Variants in SGCZ observed in about 807,000 individuals in gnomAD.
SGCZ encodes sarcoglycan zeta, also known as zeta-sarcoglycan.
Under a neutral mutation model 41.3 loss-of-function variants are expected in SGCZ, and 40 were observed. The ratio of observed to expected loss-of-function variants is 0.97; its 90% CI spans 0.75 to 1.26. The LOEUF (loss-of-function observed/expected upper bound fraction) is 1.26, where lower values mean the gene tolerates loss of function less well. SGCZ is among the 50% of genes most tolerant of loss of function. The pLI, the probability that SGCZ is intolerant of heterozygous loss-of-function variation, is 0.00. For missense variants in SGCZ, 552 were observed against 369.8 expected (o/e 1.49, Z -4.04); for synonymous variants, 206 against 137.5 (o/e 1.50, Z -3.49).
intron 5 of SGCZ, among the ~76,000 whole-genome samples, chr8:14,155,084 C>T (rs1338642859): frequency 6.6e-6 from 1 of 152,150 alleles, no homozygotes; most frequent in Non-Finnish European, 1.5e-5. Context: ...ACTAGAAAAC[C>T]ATCTGTTCCA....
chr8:14,545,872 C>T (rs970903233), intron 2 of SGCZ, among the ~76,000 whole-genome samples: 1 of 152,088 alleles, frequency 6.6e-6, no homozygotes, highest in South Asian at 2.1e-4. Flanking sequence ...CTTTGTTTTG[C>T]ACTTGCTATG....
intron 1 of SGCZ, among the ~76,000 whole-genome samples, chr8:15,188,046 C>T (rs268348): frequency 0.9 from 137,008 of 151,940 alleles, 61,773 homozygotes; most frequent in East Asian, 0.92. Flanking sequence ...TTTTTATGGA[C>T]ACATATATTA....
At chr8:14,116,252 T>C (rs934252503) in intron 5 of SGCZ, among the ~76,000 whole-genome samples, 7 of 152,282 alleles carry the variant, frequency 4.6e-5, no homozygotes, top group Non-Finnish European at 8.8e-5. Flanking sequence ...AATAGCTTTA[T>C]GAGCCTGAGC....
intron 3 of SGCZ, among the ~76,000 whole-genome samples, chr8:14,238,146 T>A (rs979190078): frequency 1.3e-5 from 2 of 152,210 alleles, no homozygotes; most frequent in East Asian, 1.9e-4. Context: ...AAACTCCCAA[T>A]GTCCATTTAG....
chr8:14,881,134 A>G (rs891024480), intron 1 of SGCZ, among the ~76,000 whole-genome samples: 5 of 152,266 alleles, frequency 3.3e-5, no homozygotes, highest in African/African-American at 1.2e-4. Flanking sequence ...ATTTTACATA[A>G]GAAAACAAGT....
intron 1 of SGCZ, among the ~76,000 whole-genome samples, chr8:14,982,437 A>G (rs10109779): frequency 0.37 from 56,492 of 152,022 alleles, 11,465 homozygotes; most frequent in Non-Finnish European, 0.44. Flanking sequence ...ATATTTCTCA[A>G]AAGATTGTAA....
chr8:14,603,966 G>A (rs1175796315), intron 1 of SGCZ, among the ~76,000 whole-genome samples: 1 of 151,880 alleles, frequency 6.6e-6, no homozygotes, highest in Non-Finnish European at 1.5e-5. Context: ...ATCTCACACT[G>A]TTACTATGTG....
At chr8:14,456,810 C>A (rs562979962) in intron 2 of SGCZ, among the ~76,000 whole-genome samples, 203 of 152,166 alleles carry the variant, frequency 1.3e-3, no homozygotes, top group African/African-American at 4.4e-3. Flanking sequence ...GAGGTGGATC[C>A]CTCGTGGCAT....
chr8:14,289,723 C>T (rs1249523365), intron 3 of SGCZ, among the ~76,000 whole-genome samples: 1 of 151,804 alleles, frequency 6.6e-6, no homozygotes, highest in East Asian at 1.9e-4. Flanking sequence ...AAGACAACCC[C>T]TTCAATAAAT....
intron 5 of SGCZ, among the ~76,000 whole-genome samples, chr8:14,139,964 G>A (rs760921982): frequency 1.3e-5 from 2 of 152,056 alleles, no homozygotes; most frequent in Non-Finnish European, 2.9e-5. Context: ...AAATCCAGCA[G>A]CACCTCCAAA....
intron 5 of SGCZ, among the ~76,000 whole-genome samples, chr8:14,128,729 A>ACG (rs1458421079): frequency 1.3e-5 from 2 of 152,126 alleles, no homozygotes; most frequent in African/African-American, 4.8e-5. Context: ...ACACACACAC[A>ACG]CACACACCAT....
intron 3 of SGCZ, among the ~76,000 whole-genome samples, chr8:14,314,645 G>C (rs1318815330): frequency 6.6e-6 from 1 of 152,138 alleles, no homozygotes; most frequent in African/African-American, 2.4e-5. Flanking sequence ...CAGTAGGTAA[G>C]TGAATGGTTT....
chr8:14,591,652 A>G (rs1805244495), intron 1 of SGCZ, among the ~76,000 whole-genome samples: 1 of 152,132 alleles, frequency 6.6e-6, no homozygotes, highest in Admixed American at 6.6e-5. Flanking sequence ...AAATCACTTC[A>G]CTATGAATGA....
At chr8:14,643,074 A>G (rs1164550292) in intron 1 of SGCZ, among the ~76,000 whole-genome samples, 1 of 151,670 alleles carries the variant, frequency 6.6e-6, no homozygotes, top group Non-Finnish European at 1.5e-5. Context: ...ATTGCTTTCA[A>G]TGAAATATTT....
At chr8:14,130,204 C>A (rs1009053170) in intron 5 of SGCZ, among the ~76,000 whole-genome samples, 2 of 151,602 alleles carry the variant, frequency 1.3e-5, no homozygotes, top group Non-Finnish European at 2.9e-5. Context: ...TTTAAGAGTG[C>A]TAAGTCTATT....
intron 1 of SGCZ, among the ~76,000 whole-genome samples, chr8:14,567,876 G>A (rs988273809): frequency 6.6e-6 from 1 of 152,142 alleles, no homozygotes; most frequent in East Asian, 1.9e-4. Context: ...GAGAGACCAC[G>A]AATCCACCAG....
At chr8:14,175,027 A>G (rs1020930) in intron 4 of SGCZ, among the ~76,000 whole-genome samples, 5 of 152,154 alleles carry the variant, frequency 3.3e-5, no homozygotes, top group African/African-American at 9.7e-5. Context: ...CCAAATAAGA[A>G]CCTATACCAA....
intron 1 of SGCZ, among the ~76,000 whole-genome samples, chr8:14,850,063 A>G (rs1261154823): frequency 1.3e-5 from 2 of 152,184 alleles, no homozygotes; most frequent in East Asian, 1.9e-4. Flanking sequence ...TCTTCTATAT[A>G]TAGGCTGAAA....
intron 1 of SGCZ, among the ~76,000 whole-genome samples, chr8:15,014,082 A>T (rs776190316): frequency 1.8e-4 from 28 of 152,238 alleles, no homozygotes; most frequent in Admixed American, 3.3e-4. Context: ...TTGCTCAAAC[A>T]TCTCCCTTCT....
Sources: gnomAD v4.1 joint callset for allele counts (sites outside exome capture counted in the v4.1 genomes callset) on GRCh38, gnomAD v4.1.1 for gene constraint, MANE v1.5 for transcripts, NCBI Gene and HGNC (gene_info 2026-07-23, HGNC 2026-07-21) for gene names.